The following ADCY8 variants were observed in gnomAD, a reference collection of about 807,000 sequenced individuals.
ADCY8 encodes adenylate cyclase 8, also known as adenylate cyclase type 8.
A neutral mutation model predicts 119.7 loss-of-function variants in ADCY8; 51 were observed. That is an observed-to-expected ratio of 0.43 (90% confidence interval 0.34 to 0.54). The LOEUF (loss-of-function observed/expected upper bound fraction) is 0.54. ADCY8 is among the 20% of genes least tolerant of loss of function. The probability of loss-of-function intolerance (pLI) is 0.03; values close to 1 mark genes in which losing one functional copy is unlikely to be tolerated. For synonymous variants in ADCY8, 665 were observed against 651.0 expected, an observed-to-expected ratio of 1.02 and a Z score of -0.33; for missense variants, 1,383 against 1,598.8, an observed-to-expected ratio of 0.87 and a Z score of 2.30.
chr8:130,971,917 T>G (rs930169307), intron 2 of ADCY8, among the ~76,000 whole-genome samples: 1 of 152,258 alleles, frequency 6.6e-6, no homozygotes, highest in Non-Finnish European at 1.5e-5. Context: ...AACTTCATCT[T>G]GAAAGCTACT....
At chr8:130,904,531 A>G (rs932568377) in intron 6 of ADCY8, among the ~76,000 whole-genome samples, 1 of 152,126 alleles carries the variant, frequency 6.6e-6, no homozygotes, top group African/African-American at 2.4e-5. Context: ...TTGTTTCTCC[A>G]ACTTGTCTAT....
At chr8:130,969,949 T>C (rs1821873082) in intron 2 of ADCY8, among the ~76,000 whole-genome samples, 1 of 152,226 alleles carries the variant, frequency 6.6e-6, no homozygotes, top group Admixed American at 6.5e-5. Flanking sequence ...TTAATTTTTG[T>C]ATCTTAATAT....
intron 11 of ADCY8, among the ~76,000 whole-genome samples, chr8:130,846,904 C>CTTCT (rs1235795059): frequency 9.4e-6 from 1 of 106,238 alleles, no homozygotes; most frequent in East Asian, 3.3e-4. Context: ...TCCTTCCTTC[C>CTTCT]TTCCTTCCTT....
chr8:130,918,250 T>A (rs1820190065), intron 5 of ADCY8, among the ~76,000 whole-genome samples: 2 of 152,172 alleles, frequency 1.3e-5, no homozygotes, highest in Non-Finnish European at 2.9e-5. Context: ...AGGATCAGGT[T>A]CTGGTGAGGG....
At position 130,908,974 on chromosome 8, in the gene ADCY8, A is replaced by G. The variant is rs192244011; in HGVS notation, c.1640+734T>C. On this transcript the variant is annotated intron_variant, in intron 6 of 17. Coordinates refer to ENST00000286355, the MANE Select transcript of ADCY8 (RefSeq NM_001115.3). Reference sequence around the variant, plus strand: ...AGTTCTAGGGGGTAGGAAAAGGAATATGTGGAAGTGCTCTCTCTCTCTCTC... The same window carrying G: ...AGTTCTAGGGGGTAGGAAAAGGAATGTGTGGAAGTGCTCTCTCTCTCTCTC... Among the ~76,000 whole-genome samples the G allele has an allele frequency of 1.1e-3, 158 of 144,228 alleles. 2 individuals carry two copies. The highest frequency in any genetic ancestry group is 9.8e-3 in the South Asian group (43 of 4,400). 94.6% of individuals were successfully genotyped at this position (144,228 alleles called of 152,430 possible). A position where few individuals can be genotyped will look rare whatever the true frequency, so the allele number is the denominator to read the frequency against.
rs113273562 is a variant in ADCY8 at position 130,808,384 on chromosome 8, A to G, written c.2913+5685T>C. 9.0e-3 allele frequency among the ~76,000 whole-genome samples: 1,378 copies of G among 152,290 alleles called. 31 individuals are homozygous for G. Among genetic ancestry groups the G allele is most frequent in the Non-Finnish European group, 0.01 (705 of 68,020 alleles). The stretch of plus-strand genomic sequence containing the variant: ...AAAAATAGCAATGACTCACATATAT[A>G]AAAAACAATAGCCAACAACCAGTGT... On this transcript the variant is annotated intron_variant, in intron 14 of 17. Coordinates refer to ENST00000286355, the MANE Select transcript of ADCY8 (RefSeq NM_001115.3).
intron 7 of ADCY8, among the ~76,000 whole-genome samples, chr8:130,891,267 A>G (rs765522995): frequency 1.3e-5 from 2 of 152,080 alleles, no homozygotes; most frequent in African/African-American, 2.4e-5. Flanking sequence ...TGAACTTCCT[A>G]TGTCCTACAA....
chr8:130,897,965 A>G (rs1819463472), intron 7 of ADCY8, among the ~76,000 whole-genome samples: 1 of 151,594 alleles, frequency 6.6e-6, no homozygotes, highest in African/African-American at 2.4e-5. Flanking sequence ...ACACCACACC[A>G]CACACATATT....
At chr8:130,844,537 G>A (rs1292539683) in intron 11 of ADCY8, among the ~76,000 whole-genome samples, 1 of 152,194 alleles carries the variant, frequency 6.6e-6, no homozygotes, top group Non-Finnish European at 1.5e-5. Context: ...TCACAAAGAT[G>A]AAGCGATTTG....
intron 12 of ADCY8, among the ~76,000 whole-genome samples, chr8:130,824,594 A>G (rs1816617448): frequency 6.6e-6 from 1 of 152,240 alleles, no homozygotes; most frequent in African/African-American, 2.4e-5. Context: ...TATTGAATGG[A>G]TACATGGACG....
intron 6 of ADCY8, among the ~76,000 whole-genome samples, chr8:130,907,072 A>G (rs1168564434): frequency 6.6e-6 from 1 of 152,116 alleles, no homozygotes; most frequent in Non-Finnish European, 1.5e-5. Context: ...CACAACCACA[A>G]TAAATATTTA....
rs1238813341 is a variant in ADCY8 at position 131,039,503 on chromosome 8, C to G, written c.831G>C (p.Thr277=). ...GCAGCATACTGTAGGTGGCGAAGAG[C>G]GTGAAGAGCACGTAGCCTATGCCGT... ...LGDGIGYVLF[T]LFATYSMLPL... Residue 277 remains threonine, a synonymous_variant, in exon 1 of 18, where the codon ACG becomes ACC. Coordinates refer to ENST00000286355, the MANE Select transcript of ADCY8 (RefSeq NM_001115.3). The G allele has an allele frequency of 6.2e-7, 1 of 1,613,978 alleles. No homozygotes were observed. Among genetic ancestry groups the G allele is most frequent in the Non-Finnish European group, 8.5e-7 (1 of 1,180,024 alleles).
At chr8:130,847,575 TGTGA>T in intron 10 of ADCY8, 62 bp from the exon 11 acceptor site, 1 of 1,376,168 alleles carries the variant, frequency 7.3e-7, no homozygotes. Flanking sequence ...ACAAAGTCAG[TGTGA>T]GTGCTGGAAA....
chr8:131,039,893 A>C lies in ADCY8; in HGVS notation c.441T>G (p.Tyr147Ter). The change falls in exon 1 of 18, where the codon TAT becomes TAG. Residue 147 changes from tyrosine (Y) to a stop codon, truncating the protein, a stop_gained. Transcript: ENST00000286355. LOFTEE classifies it high-confidence loss of function. ...TGGGGAAAATGACCCCTCGGTAGCT[A>C]TAGCCCCCATTAAGAAAGAAATCCG... ...SNSDFFLNGG[Y>*]SYRGVIFPTL... The C allele has an allele frequency of 1.9e-6, 3 of 1,613,758 alleles. No individual in the cohort carries two copies. The highest frequency in any genetic ancestry group is 2.5e-6 in the Non-Finnish European group (3 of 1,179,794).
intron 2 of ADCY8, among the ~76,000 whole-genome samples, chr8:130,982,137 G>A (rs1359745724): frequency 6.6e-6 from 1 of 152,210 alleles, no homozygotes; most frequent in Non-Finnish European, 1.5e-5. Context: ...GAACACAAGA[G>A]CTGGTGTCCT....
intron 15 of ADCY8, among the ~76,000 whole-genome samples, chr8:130,789,001 AT>A (rs2130063386): frequency 6.6e-6 from 1 of 152,316 alleles, no homozygotes; most frequent in Non-Finnish European, 1.5e-5. Flanking sequence ...AAGCAGATCA[AT>A]AGTTGCACTG....
chr8:130,981,504 A>C (rs1002402968), intron 2 of ADCY8, among the ~76,000 whole-genome samples: 6 of 152,162 alleles, frequency 3.9e-5, no homozygotes, highest in African/African-American at 7.2e-5. Flanking sequence ...CTTTAGTCAA[A>C]ATTATCTGCA....
At chr8:130,868,229 C>T (rs950094605) in intron 8 of ADCY8, among the ~76,000 whole-genome samples, 2 of 152,096 alleles carry the variant, frequency 1.3e-5, no homozygotes, top group South Asian at 4.1e-4. Flanking sequence ...AGCGCACATC[C>T]ATATATGCAG....
At chr8:130,843,822 G>A (rs2130289286) in intron 11 of ADCY8, among the ~76,000 whole-genome samples, 1 of 152,272 alleles carries the variant, frequency 6.6e-6, no homozygotes, top group South Asian at 2.1e-4. Context: ...AGGATGGAAA[G>A]GATGTCCTAG....
Sources: gnomAD v4.1 joint callset for allele counts (sites outside exome capture counted in the v4.1 genomes callset) on GRCh38, gnomAD v4.1.1 for gene constraint, MANE v1.5 for transcripts, NCBI Gene and HGNC (gene_info 2026-07-23, HGNC 2026-07-21) for gene names.